Variants in TANC1 observed in about 807,000 individuals in gnomAD.
TANC1 encodes the protein tetratricopeptide repeat, ankyrin repeat and coiled-coil containing 1, also known as protein TANC1.
Under a neutral mutation model 149.7 loss-of-function variants are expected in TANC1, and 77 were observed. The observed-to-expected ratio is 0.51, with a 90% CI of 0.43 to 0.62. TANC1 has a LOEUF of 0.62. Among genes scored for constraint, TANC1 ranks in the 20% least tolerant of loss-of-function variants. TANC1 has a pLI of 0.00. For synonymous variants in TANC1, 854 were observed against 925.0 expected, an observed-to-expected ratio of 0.92 and a Z score of 1.39; for missense variants, 1,985 against 2,321.8, an observed-to-expected ratio of 0.85 and a Z score of 2.98.
intron 2 of TANC1, among the ~76,000 whole-genome samples, chr2:159,031,674 A>G (rs2039791942): frequency 6.6e-6 from 1 of 152,254 alleles, no homozygotes; most frequent in African/African-American, 2.4e-5. Context: ...AAATAAATAT[A>G]TAAATCAGAA....
At chr2:159,078,547 CTT>C (rs2043927480) in intron 3 of TANC1, among the ~76,000 whole-genome samples, 1 of 152,198 alleles carries the variant, frequency 6.6e-6, no homozygotes, top group Admixed American at 6.5e-5. Context: ...GGTCAGCTCT[CTT>C]TATTTCCCTG....
At chr2:158,981,853 G>C (rs2034426818) in intron 1 of TANC1, among the ~76,000 whole-genome samples, 1 of 151,700 alleles carries the variant, frequency 6.6e-6, no homozygotes, top group African/African-American at 2.4e-5. Context: ...ACCTCTGCTT[G>C]ATAAATTTTT....
At chr2:159,172,412 C>T in intron 11 of TANC1, 140 bp downstream of exon 11, 1 of 789,390 alleles carries the variant, frequency 1.3e-6, no homozygotes. Flanking sequence ...AATAGTGATA[C>T]AGTTCTCCAA....
intron 5 of TANC1, chr2:159,148,412 C>G (rs1362741746): frequency 6.6e-6 from 1 of 152,212 alleles, no homozygotes; most frequent in East Asian, 1.9e-4. Context: ...AGATGACCAA[C>G]CTCAGGGAGA....
rs1178496043 is a variant in TANC1 at position 159,196,765 on chromosome 2, C to A, written c.3137C>A (p.Thr1046Asn). The change falls in exon 18 of 27, where the codon ACC becomes AAC. Residue 1046 changes from threonine (T) to asparagine (N), a missense_variant. Coordinates refer to ENST00000263635, the MANE Select transcript of TANC1 (RefSeq NM_033394.3). ...RKSHALQQAL[T>N]AAASMGHSSV... ...AGCCACGCCCTGCAGCAGGCGCTGA[C>A]CGCGGCGGCCAGCATGGGCCACAGC... is the stretch of plus-strand genomic sequence containing the variant. 6.8e-6 allele frequency: 11 copies of A among 1,612,606 alleles called. No homozygotes were observed. The highest frequency in any genetic ancestry group is 7.6e-6 in the Non-Finnish European group (9 of 1,179,752).
intron 2 of TANC1, among the ~76,000 whole-genome samples, chr2:159,050,142 C>T (rs1487941513): frequency 2.6e-5 from 4 of 152,164 alleles, no homozygotes; most frequent in Non-Finnish European, 4.4e-5. Flanking sequence ...GAGCCTCACT[C>T]TGTTATCTAG....
At chr2:159,041,997 G>A (rs2040679567) in intron 2 of TANC1, among the ~76,000 whole-genome samples, 1 of 152,204 alleles carries the variant, frequency 6.6e-6, no homozygotes, top group African/African-American at 2.4e-5. Flanking sequence ...CCTGGTTCAT[G>A]TAGGGTTCTC....
At chr2:159,140,412 AC>A (rs2051230462) in intron 5 of TANC1, among the ~76,000 whole-genome samples, 1 of 152,198 alleles carries the variant, frequency 6.6e-6, no homozygotes, top group Admixed American at 6.5e-5. Flanking sequence ...AAAGGGGCAT[AC>A]CTGGTATGTG....
At chr2:159,120,774 A>AT (rs1414657944) in intron 4 of TANC1, among the ~76,000 whole-genome samples, 2 of 151,892 alleles carry the variant, frequency 1.3e-5, no homozygotes, top group Non-Finnish European at 1.5e-5. Flanking sequence ...TAATTTTTGT[A>AT]TTTTTTTGTA....
At chr2:159,060,196 A>C in intron 2 of TANC1, 1 of 348,868 alleles carries the variant, frequency 2.9e-6, no homozygotes, top group Non-Finnish European at 4.0e-6. Context: ...AGCAAAGAAG[A>C]AAAATGTCTT....
rs1168367788 is a variant in TANC1, at chr2:159,224,358, A to G, written c.3805A>G (p.Lys1269Glu). The G allele has an allele frequency of 6.2e-7, 1 of 1,614,116 alleles. No homozygotes were observed. The highest frequency in any genetic ancestry group is 1.7e-5 in the Admixed American group (1 of 60,020). ...GGTGGCGCTACTCAGAAAGGGAGCC[A>G]AGTTAGGTCAGTGAGCACTGCCTCC... ...VVVALLRKGA[K>E]LGNAAWAMAT... The change falls in exon 23 of 27, where the codon AAG becomes GAG. Residue 1269 changes from lysine to glutamate, a missense_variant. Around this residue, in one of 3 missense-constraint regions of TANC1, gnomAD observed 920 missense variants for 994.7 expected, o/e 0.92. Transcript: ENST00000263635.
At chr2:159,193,839 T>A (rs2057651789) in intron 16 of TANC1, among the ~76,000 whole-genome samples, 1 of 152,048 alleles carries the variant, frequency 6.6e-6, no homozygotes, top group East Asian at 1.9e-4. Context: ...CATTTTTAAT[T>A]AAAAATTTTT....
At chr2:159,165,809 A>AAAGG (rs1380481159) in intron 8 of TANC1, among the ~76,000 whole-genome samples, 1 of 152,264 alleles carries the variant, frequency 6.6e-6, no homozygotes, top group Non-Finnish European at 1.5e-5. Context: ...ATTGGCAGGT[A>AAAGG]AAGGAAGGGT....
intron 2 of TANC1, among the ~76,000 whole-genome samples, chr2:159,047,806 G>A (rs1393805426): frequency 6.6e-6 from 1 of 152,162 alleles, no homozygotes; most frequent in African/African-American, 2.4e-5. Context: ...CTCAACCTTG[G>A]CAGAATAAAC....
rs536528432 is a variant in TANC1 at position 159,003,563 on chromosome 2, G to A, written c.-16+2374G>A. Among the ~76,000 whole-genome samples the A allele has an allele frequency of 1.2e-4, 19 of 152,338 alleles. 1 individual carries two copies. The highest frequency in any genetic ancestry group is 1.0e-3 in the South Asian group (5 of 4,826). On this transcript the variant is annotated intron_variant, in intron 2 of 26. Transcript: ENST00000263635. The stretch of plus-strand genomic sequence containing the variant: ...CCGAGGCTACACAGTTAATGGGTTG[G>A]ATTCCTTAACAACTGGTAGAGGCAT...
intron 2 of TANC1, among the ~76,000 whole-genome samples, chr2:159,035,905 G>T (rs960343274): frequency 6.6e-6 from 1 of 152,210 alleles, no homozygotes; most frequent in East Asian, 1.9e-4. Context: ...ATGTCTATGT[G>T]TACATGACCT....
intron 5 of TANC1, among the ~76,000 whole-genome samples, chr2:159,144,136 T>C (rs1483505784): frequency 6.6e-6 from 1 of 152,118 alleles, no homozygotes; most frequent in African/African-American, 2.4e-5. Context: ...CAAACTCTGA[T>C]AGTCCTCTAG....
chr2:159,048,480 C>T (rs6734402), intron 2 of TANC1, among the ~76,000 whole-genome samples: 1,860 of 152,134 alleles, frequency 0.012, 116 homozygotes, highest in Admixed American at 0.11. Context: ...AATGGAATGC[C>T]GTACAGGAAA....
At chr2:159,125,762 A>G (rs2049380140) in intron 4 of TANC1, among the ~76,000 whole-genome samples, 1 of 151,876 alleles carries the variant, frequency 6.6e-6, no homozygotes, top group African/African-American at 2.4e-5. Flanking sequence ...AATTTTTTGT[A>G]TTTTTAGTAG....
Sources: allele counts gnomAD v4.1 joint callset (sites outside exome capture counted in the v4.1 genomes callset), GRCh38; gene constraint gnomAD v4.1.1; regional missense constraint gnomAD v4.1.1; transcripts MANE v1.5; gene names NCBI Gene and HGNC (gene_info 2026-07-23, HGNC 2026-07-21).